Variants in SCYL2 observed in about 807,000 individuals in gnomAD.
SCYL2 encodes the protein SCY1-like protein 2.
In SCYL2, 36 loss-of-function variants were observed where a neutral mutation model predicts 100.4. That is an observed-to-expected ratio of 0.36 (90% CI 0.27 to 0.47). SCYL2 has a LOEUF of 0.47. SCYL2 is among the 20% of genes least tolerant of loss of function. The pLI is 1.00. For missense variants in SCYL2, 902 were observed against 1,083.9 expected (o/e 0.83, Z 2.36); for synonymous variants, 330 against 359.2 (o/e 0.92, Z 0.92).
intron 17 of SCYL2, 49 bp from the exon 18 acceptor site, chr12:100,338,479 A>G: frequency 7.2e-7 from 1 of 1,390,504 alleles, no homozygotes. Flanking sequence ...ACTAATTATA[A>G]AGTAATTTAT....
chr12:100,302,182 G>GGA (rs1592947012), intron 4 of SCYL2, among the ~76,000 whole-genome samples: 1 of 152,172 alleles, frequency 6.6e-6, no homozygotes, highest in South Asian at 2.1e-4. Flanking sequence ...ACAGAAGGAA[G>GGA]GAGACCCTTT....
intron 1 of SCYL2, among the ~76,000 whole-genome samples, chr12:100,269,088 A>T (rs1034394826): frequency 1.4e-4 from 21 of 152,178 alleles, no homozygotes. Flanking sequence ...CAAAATGCAG[A>T]CCTAATAACA....
At chr12:100,322,181 G>C (rs1449607400) in intron 10 of SCYL2, among the ~76,000 whole-genome samples, 1 of 151,000 alleles carries the variant, frequency 6.6e-6, no homozygotes, top group Non-Finnish European at 1.5e-5. Flanking sequence ...GACCATCCTG[G>C]CTAACACAGT....
intron 1 of SCYL2, among the ~76,000 whole-genome samples, chr12:100,274,515 G>A (rs1056859329): frequency 3.3e-5 from 5 of 152,150 alleles, no homozygotes; most frequent in African/African-American, 1.2e-4. Context: ...CATCTGTCCT[G>A]AAAGAAGCAA....
At position 100,338,907 on chromosome 12, in the gene SCYL2, A is replaced by C. The variant is rs769117174; in HGVS notation, c.2525A>C (p.Asn842Thr). Residue 842 changes from asparagine (N) to threonine (T), a missense_variant, in exon 18 of 18, where the codon AAT becomes ACT. Coordinates refer to ENST00000360820, the MANE Select transcript of SCYL2 (RefSeq NM_017988.6). Reference sequence around the variant, plus strand: ...CCCACAGATATGTCTGCCCTTAATAATCTCTTTGGCCCTCAGAAACCCAAA... The same window carrying C: ...CCCACAGATATGTCTGCCCTTAATACTCTCTTTGGCCCTCAGAAACCCAAA... ...QRPTDMSALNNLFGPQKPKVS... is the reference protein window; with the variant it reads ...QRPTDMSALNTLFGPQKPKVS... The C allele has an allele frequency of 6.2e-7, 1 of 1,613,958 alleles. No individual in the cohort carries two copies. The highest frequency in any genetic ancestry group is 1.3e-5 in the African/African-American group (1 of 74,894).
intron 2 of SCYL2, among the ~76,000 whole-genome samples, chr12:100,290,600 G>T (rs1333493411): frequency 6.6e-6 from 1 of 152,116 alleles, no homozygotes; most frequent in African/African-American, 2.4e-5. Context: ...GAATAAAATA[G>T]AAAACTAATT....
intron 1 of SCYL2, among the ~76,000 whole-genome samples, chr12:100,272,756 T>C (rs1252155220): frequency 1.4e-4 from 22 of 152,202 alleles, no homozygotes. Context: ...TGGTTTTAAC[T>C]TGTTTCTTAA....
chr12:100,281,425 T>G (rs1371232982), intron 1 of SCYL2, among the ~76,000 whole-genome samples: 1 of 152,180 alleles, frequency 6.6e-6, no homozygotes, highest in Non-Finnish European at 1.5e-5. Flanking sequence ...GGTGGCTTAT[T>G]TATGCCTGTA....
At chr12:100,291,377 A>G (rs1223792890) in intron 2 of SCYL2, 126 bp from the exon 3 acceptor site, 5 of 614,546 alleles carry the variant, frequency 8.1e-6, no homozygotes, top group African/African-American at 5.8e-5. Flanking sequence ...CAACTCTTTG[A>G]TATCAGAAAA....
chr12:100,295,001 G>A (rs1265070807), intron 3 of SCYL2, among the ~76,000 whole-genome samples: 70 of 150,678 alleles, frequency 4.6e-4, no homozygotes, highest in Non-Finnish European at 8.9e-4. Flanking sequence ...GGGCAGAGAC[G>A]CTCCTCACCT....
intron 1 of SCYL2, among the ~76,000 whole-genome samples, chr12:100,269,338 C>G (rs1461082796): frequency 1.3e-5 from 2 of 151,772 alleles, no homozygotes; most frequent in Non-Finnish European, 2.9e-5. Flanking sequence ...TTTTTTTAGC[C>G]AATTATGCCT....
Position 100,340,759 on chromosome 12 carries a change from A to T in SCYL2, c.*1587A>T, listed in dbSNP as rs1192585612. ...CTGTACTTGGTTAACTTGATTTTAG[A>T]AAAAGGACTAACAGAATTGCTAAAG... On this transcript the variant is annotated 3_prime_UTR_variant, in exon 18 of 18. Coordinates refer to ENST00000360820, the MANE Select transcript of SCYL2 (RefSeq NM_017988.6). 3.3e-5 allele frequency: 5 copies of T among 152,090 alleles called. 1 individual carries two copies. The highest frequency in any genetic ancestry group is 7.4e-5 in the Non-Finnish European group (5 of 67,940). 9.4% of individuals were successfully genotyped at this position (152,090 alleles called of 1,614,324 possible). A position where few individuals can be genotyped will look rare whatever the true frequency, so the allele number is the denominator to read the frequency against.
chr12:100,322,232 G>T (rs184607950), intron 10 of SCYL2, among the ~76,000 whole-genome samples: 6,215 of 150,228 alleles, frequency 0.041, 462 homozygotes, highest in African/African-American at 0.14. Flanking sequence ...AATTAGCCGG[G>T]CGTGGTGGCG....
intron 6 of SCYL2, among the ~76,000 whole-genome samples, chr12:100,312,869 G>A (rs532615902): frequency 4.8e-4 from 73 of 152,292 alleles, no homozygotes; most frequent in African/African-American, 1.7e-3. Flanking sequence ...TGTAATCCCA[G>A]CACTTGGGGA....
chr12:100,278,669 C>A, intron 1 of SCYL2, among the ~76,000 whole-genome samples: 1 of 147,156 alleles, frequency 6.8e-6, no homozygotes, highest in Non-Finnish European at 1.5e-5. Context: ...CTTGCTCCCT[C>A]GCCAAGCTGG....
intron 11 of SCYL2, among the ~76,000 whole-genome samples, chr12:100,325,132 G>GGCT (rs2096360287): frequency 6.6e-6 from 1 of 152,134 alleles, no homozygotes; most frequent in Non-Finnish European, 1.5e-5. Context: ...AAGAGGTCGA[G>GGCT]GCTGCAGTGA....
At chr12:100,294,136 G>A (rs868683858) in intron 3 of SCYL2, among the ~76,000 whole-genome samples, 25 of 125,324 alleles carry the variant, frequency 2.0e-4, no homozygotes, top group Middle Eastern at 4.8e-3. Context: ...CTCCCGGACG[G>A]GGCGGCTGGC....
chr12:100,290,077 A>C (rs1330805958), intron 2 of SCYL2, among the ~76,000 whole-genome samples: 2 of 152,190 alleles, frequency 1.3e-5, no homozygotes, highest in Admixed American at 1.3e-4. Context: ...TGAATATGTC[A>C]GGTATTACAA....
chr12:100,304,348 G>A (rs1349741207), intron 4 of SCYL2, among the ~76,000 whole-genome samples: 2 of 151,870 alleles, frequency 1.3e-5, no homozygotes, highest in African/African-American at 4.8e-5. Context: ...CCCAAACGGC[G>A]CCCAGTTTTG....
Sources: gnomAD v4.1 joint callset for allele counts (sites outside exome capture counted in the v4.1 genomes callset) on GRCh38, gnomAD v4.1.1 for gene constraint, MANE v1.5 for transcripts, NCBI Gene and HGNC (gene_info 2026-07-23, HGNC 2026-07-21) for gene names.